C14orf93: variants seen among roughly 807,000 people sequenced by gnomAD.
The protein encoded by C14orf93 is uncharacterized protein C14orf93.
C14orf93 carries 23 observed loss-of-function variants against 44.0 expected under a neutral mutation model. That is an observed-to-expected ratio of 0.52 (90% confidence interval 0.38 to 0.74). The LOEUF is 0.74. Ranked by LOEUF, C14orf93 falls within the 30% of genes least tolerant of loss-of-function variation. The pLI, the probability that C14orf93 is intolerant of heterozygous loss-of-function variation, is 0.00. For missense variants in C14orf93, 579 were observed against 678.9 expected, an observed-to-expected ratio of 0.85 and a Z score of 1.64; for synonymous variants, 253 against 265.7, an observed-to-expected ratio of 0.95 and a Z score of 0.46.
In C14orf93 at chr14:22,988,017, T is replaced by C. The variant is rs781734228; in HGVS notation, c.1085-2A>G. On this transcript the variant is annotated splice_acceptor_variant, in intron 5 of 6. Transcript: ENST00000299088. LOFTEE classifies it high-confidence loss of function. ...TAAGGAAGTAGGCCACACAGGCTCC[T>C]GGCGGGGAGGGAAGGAAGGGAGCAA... The C allele has an allele frequency of 6.2e-7, 1 of 1,606,992 alleles. No individual in the cohort carries two copies. Among genetic ancestry groups the C allele is most frequent in the Admixed American group, 1.7e-5 (1 of 59,902 alleles).
Position 22,996,585 on chromosome 14 carries a change from G to T in C14orf93, c.598-317C>A, listed in dbSNP as rs1209385895. Among the ~76,000 whole-genome samples the T allele has an allele frequency of 6.6e-6, 1 of 152,188 alleles. No homozygotes were observed. The highest frequency in any genetic ancestry group is 2.4e-5 in the African/African-American group (1 of 41,440). Reference sequence around the variant, plus strand: ...AGAAATGGAGCTAGATAAGTGTTTTGTCTGAAAGGACTGGGTGAAGAAGTG... The same window carrying T: ...AGAAATGGAGCTAGATAAGTGTTTTTTCTGAAAGGACTGGGTGAAGAAGTG... On this transcript the variant is annotated intron_variant, in intron 2 of 6. Transcript: ENST00000299088. This position sits in a 1 kb window ranked among gnomAD's most constrained non-coding sequence, Gnocchi z 4.1.
Position 23,003,017 on chromosome 14 carries a change from T to G in C14orf93, c.-379-3615A>C, listed in dbSNP as rs75368726. Among the ~76,000 whole-genome samples, 367 of 152,352 alleles carry G rather than the reference T, an allele frequency of 2.4e-3. 1 individual carries two copies. Among genetic ancestry groups the G allele is most frequent in the African/African-American group, 8.4e-3 (349 of 41,574 alleles). ...TATGACGCAAATTAGAAAGGTAATT[T>G]AGTATTTGTAATTTACTTGCTATCA... On this transcript the variant is annotated intron_variant, in intron 1 of 6. Transcript: ENST00000299088.
intron 5 of C14orf93, 80 bp downstream of exon 5, chr14:22,989,662 T>A: frequency 2.9e-6 from 3 of 1,035,618 alleles, no homozygotes; most frequent in Non-Finnish European, 4.5e-6. Context: ...CTATTATTCC[T>A]CTTCTCCTCT....
chr14:22,998,395 T>A, intron 2 of C14orf93, 32 bp downstream of exon 2: 1 of 1,481,624 alleles, frequency 6.7e-7, no homozygotes, highest in Non-Finnish European at 9.0e-7. Context: ...GAAAAGCACC[T>A]AGGAGGAATA....
chr14:23,004,897 A>G (rs933380290), intron 1 of C14orf93, among the ~76,000 whole-genome samples: 1 of 152,196 alleles, frequency 6.6e-6, no homozygotes, highest in Admixed American at 6.5e-5. Context: ...CAGCCTGGGC[A>G]ACAAGAGTGA....
rs753666332 is a variant in C14orf93 at position 22,987,950 on chromosome 14, C to T, written c.1150G>A (p.Gly384Ser). Residue 384 changes from glycine (G) to serine (S), a missense_variant, in exon 6 of 7, where the codon GGC becomes AGC. Transcript: ENST00000299088. The surrounding 1 kb of genome is among the most constrained non-coding windows in gnomAD (Gnocchi z 5.6). ...EYRNSLNPFK[G>S]LKEKEEKKLR... ...TTCTTCTCCTCTTTTTCCTTCAGGC[C>T]TTTAAAGGGGTTCAGGGAGTTGCGG... 2.5e-6 allele frequency: 4 copies of T among 1,613,934 alleles called. No homozygotes were observed. Among genetic ancestry groups the T allele is most frequent in the Non-Finnish European group, 2.5e-6 (3 of 1,179,926 alleles).
intron 1 of C14orf93, among the ~76,000 whole-genome samples, chr14:22,999,744 C>A (rs537791684): frequency 2.0e-5 from 3 of 152,170 alleles, no homozygotes; most frequent in Non-Finnish European, 1.5e-5. Context: ...ATTCTACCCT[C>A]TCTGTAATTT....
intron 3 of C14orf93, chr14:22,993,850 G>A (rs2045807655): frequency 6.6e-6 from 1 of 152,250 alleles, no homozygotes; most frequent in Admixed American, 6.5e-5. Context: ...GCAGATTGGA[G>A]AGATGCCTCT....
chr14:22,988,258 C>T (rs1053446025), intron 5 of C14orf93, among the ~76,000 whole-genome samples: 1 of 151,918 alleles, frequency 6.6e-6, no homozygotes, highest in Admixed American at 6.6e-5. Flanking sequence ...CTCAGCCTCC[C>T]GAGTAGCTGG....
chr14:22,990,228 C>T (rs2045516397), intron 3 of C14orf93, 101 bp from the exon 4 acceptor site: 6 of 952,714 alleles, frequency 6.3e-6, no homozygotes, highest in Non-Finnish European at 9.6e-6. Context: ...AAGGGGCTCT[C>T]TGCCTGAATC....
chr14:22,990,820 T>C (rs1475834328), intron 3 of C14orf93, among the ~76,000 whole-genome samples: 1 of 149,536 alleles, frequency 6.7e-6, no homozygotes, highest in Non-Finnish European at 1.5e-5. Flanking sequence ...TTCTTTCCTT[T>C]TCTTTTTTTT....
chr14:23,002,979 A>G lies in C14orf93; in HGVS notation c.-379-3577T>C, dbSNP rs141760138. ...CAAGTCTATGAGGATGCATTTATAG[A>G]TACAAAACCTTCTATGACGCAAATT... On this transcript the variant is annotated intron_variant, in intron 1 of 6. Transcript: ENST00000299088. Among the ~76,000 whole-genome samples the G allele has an allele frequency of 4.7e-4, 71 of 152,352 alleles. 1 individual carries two copies. In the East Asian group the frequency reaches 0.012, roughly 25 times the overall value.
chr14:23,005,175 C>A (rs1416711052), intron 1 of C14orf93: 1 of 151,708 alleles, frequency 6.6e-6, no homozygotes, highest in Non-Finnish European at 1.5e-5. Context: ...GGGTACATGT[C>A]AGAGGTCAGA....
intron 1 of C14orf93, among the ~76,000 whole-genome samples, chr14:23,002,378 G>A (rs1055297751): frequency 4.0e-5 from 6 of 150,782 alleles, no homozygotes; most frequent in Admixed American, 2.7e-4. Context: ...CTTGAACCCA[G>A]GAGTCAGAGG....
chr14:23,003,877 TA>T lies in C14orf93; in HGVS notation c.-379-4476del, dbSNP rs1566696651. ...ATATTCATATATATATATATATATA[TA>T]TATATATATATATATATATATTTTT... is the stretch of plus-strand genomic sequence containing the variant. On this transcript the variant is annotated intron_variant, in intron 1 of 6. Transcript: ENST00000299088. Among the ~76,000 whole-genome samples the T allele has an allele frequency of 6.1e-3, 91 of 14,902 alleles. 1 individual carries two copies. Among genetic ancestry groups the T allele is most frequent in the Non-Finnish European group, 9.6e-3 (73 of 7,638 alleles). The allele number at this position is 14,902 out of a possible 152,430, so 9.8% of individuals were successfully genotyped here.
In C14orf93 at chr14:22,998,810, C is replaced by G. The variant is rs762579504; in HGVS notation, c.214G>C (p.Ala72Pro). Residue 72 changes from alanine to proline, a missense_variant, in exon 2 of 7, where the codon GCA becomes CCA. Coordinates refer to ENST00000299088, the MANE Select transcript of C14orf93 (RefSeq NM_021944.4). The part of the protein sequence containing the change: ...LHVIYQRVDK[A>P]VGLAEAALGL... Reference sequence around the variant, plus strand: ...AGAGCAGCTTCAGCCAAACCCACTGCCTTATCGACCCGCTGGTAGATAACA... The same window carrying G: ...AGAGCAGCTTCAGCCAAACCCACTGGCTTATCGACCCGCTGGTAGATAACA... 6.2e-7 allele frequency: 1 copy of G among 1,614,206 alleles called. No homozygotes were observed. The highest frequency in any genetic ancestry group is 8.5e-7 in the Non-Finnish European group (1 of 1,180,038).
rs768682499 is a variant in C14orf93 at position 22,987,261 on chromosome 14, G to C, written c.1571C>G (p.Pro524Arg). Residue 524 changes from proline (P) to arginine (R), a missense_variant, in exon 7 of 7, where the codon CCT becomes CGT. Coordinates refer to ENST00000299088, the MANE Select transcript of C14orf93 (RefSeq NM_021944.4). This position sits in a 1 kb window ranked among gnomAD's most constrained non-coding sequence, Gnocchi z 5.6. ...SFDQPHKTCC[P>R]DLNSFIEIKV... ...GATTTCAATGAATGAGTTCAAGTCA[G>C]GACAGCAGGTTTTGTGGGGTTGGTC... 4.3e-6 allele frequency: 7 copies of C among 1,614,228 alleles called. No individual in the cohort carries two copies. In the South Asian group the frequency reaches 6.6e-5, roughly 15 times the overall value.
chr14:23,003,515 CACGTGG>C (rs2046409540), intron 1 of C14orf93, among the ~76,000 whole-genome samples: 1 of 151,860 alleles, frequency 6.6e-6, no homozygotes, highest in South Asian at 2.1e-4. Context: ...CTGGGCCAGG[CACGTGG>C]CTTACGCCTA....
Position 22,986,820 on chromosome 14 carries a change from A to T in C14orf93, c.*395T>A. The T allele has an allele frequency of 9.2e-6, 2 of 217,426 alleles. No individual in the cohort carries two copies. The highest frequency in any genetic ancestry group is 1.9e-5 in the Non-Finnish European group (2 of 107,670). 13.5% of individuals were successfully genotyped at this position (217,426 alleles called of 1,614,324 possible). ...AGAGCAAGACAAGTAGTCACAGGGA[A>T]GCAAAAGGTACAACCTGGGCTGCTT... On this transcript the variant is annotated 3_prime_UTR_variant, in exon 7 of 7. Transcript: ENST00000299088.
Sources: allele counts gnomAD v4.1 joint callset (sites outside exome capture counted in the v4.1 genomes callset), GRCh38; gene constraint gnomAD v4.1.1; non-coding constraint Gnocchi (gnomAD v3.1); transcripts MANE v1.5; gene names NCBI Gene and HGNC (gene_info 2026-07-23, HGNC 2026-07-21).